The following LOXL3 variants were observed in gnomAD, a reference collection of about 807,000 sequenced individuals.
The protein encoded by LOXL3 is lysyl oxidase homolog 3.
Under a neutral mutation model 91.8 loss-of-function variants are expected in LOXL3, and 60 were observed. That is an observed-to-expected ratio of 0.65 (90% confidence interval 0.53 to 0.81). The LOEUF (loss-of-function observed/expected upper bound fraction) is 0.81. Among genes scored for constraint, LOXL3 ranks in the 30% least tolerant of loss-of-function variants. The pLI is 0.00. For synonymous variants in LOXL3, 355 were observed against 387.6 expected (o/e 0.92, Z 0.99); for missense variants, 874 against 1,000.4 (o/e 0.87, Z 1.70).
chr2:74,544,931 C>T (rs756604400), intron 4 of LOXL3, among the ~76,000 whole-genome samples: 39 of 152,210 alleles, frequency 2.6e-4, no homozygotes, highest in Admixed American at 4.6e-4. Context: ...TCTTTCCCCA[C>T]GAAGAATGGC....
At chr2:74,538,572 G>C (rs1270522792) in intron 4 of LOXL3, among the ~76,000 whole-genome samples, 3 of 152,186 alleles carry the variant, frequency 2.0e-5, no homozygotes, top group African/African-American at 7.2e-5. Context: ...AGGAGCCCAG[G>C]AGGAAAATTA....
Position 74,533,908 on chromosome 2 carries a change from C to G in LOXL3, c.2162G>C (p.Arg721Thr). ...MKCNCKYDGH[R>T]IWVHNCHIGD... The stretch of plus-strand genomic sequence containing the variant: ...AATGTGGCAGTTGTGCACCCAGATT[C>G]TATGTCCATCATATTTGCAGTTACA... The change falls in exon 13 of 14, where the codon AGA becomes ACA. Residue 721 changes from arginine to threonine, a missense_variant. Physicochemically the swap from Arg to Thr is moderately conservative, Grantham distance 71. Coordinates refer to ENST00000264094, the MANE Select transcript of LOXL3 (RefSeq NM_032603.5). The G allele has an allele frequency of 1.2e-6, 2 of 1,614,072 alleles. 1 individual carries two copies.
At chr2:74,548,340 G>C (rs1442123126) in intron 4 of LOXL3, among the ~76,000 whole-genome samples, 1 of 152,220 alleles carries the variant, frequency 6.6e-6, no homozygotes, top group Non-Finnish European at 1.5e-5. Flanking sequence ...TGCTCTATCA[G>C]TAGGAAGCAT....
intron 4 of LOXL3, among the ~76,000 whole-genome samples, chr2:74,540,504 G>A (rs1016796121): frequency 6.6e-6 from 1 of 152,068 alleles, no homozygotes; most frequent in Non-Finnish European, 1.5e-5. Flanking sequence ...AACCAAGGCC[G>A]AATATCCAAG....
In LOXL3 at chr2:74,536,467, C is replaced by G. The variant is rs190924518; in HGVS notation, c.917G>C (p.Arg306Pro). Residue 306 changes from arginine (R) to proline (P), a missense_variant, in exon 6 of 14, where the codon CGT becomes CCT. Transcript: ENST00000264094. The surrounding 1 kb of genome is among the most constrained non-coding windows in gnomAD (Gnocchi z 4.5). ...QQQSKPQGEARVRLKGGAHPG... is the reference protein window; with the variant it reads ...QQQSKPQGEAPVRLKGGAHPG... ...GTGGGCGCCGCCCTTTAGACGGACACGGGCCTATAGAAGAGAGAAGTGCCC... is the reference window on the plus strand; with the variant it reads ...GTGGGCGCCGCCCTTTAGACGGACAGGGGCCTATAGAAGAGAGAAGTGCCC... The G allele has an allele frequency of 3.7e-6, 6 of 1,612,462 alleles. No individual in the cohort carries two copies. Among genetic ancestry groups the G allele is most frequent in the East Asian group, 4.5e-5 (2 of 44,856 alleles).
rs1675970954 is a variant in LOXL3 at position 74,535,640 on chromosome 2, G to A, written c.1364C>T (p.Ala455Val). 2.5e-6 allele frequency: 4 copies of A among 1,614,052 alleles called. 1 individual carries two copies. The East Asian group carries it at 8.9e-5, about 36-fold the overall frequency. Reference protein sequence around the residue: ...ICGDDWGTLEAMVACRQLGLG... With the variant: ...ICGDDWGTLEVMVACRQLGLG... ...ACCCAGTTGCCTACAGGCCACCATG[G>A]CCTCCAGGGTCCCCCAGTCATCCCC... Residue 455 changes from alanine (A) to valine (V), a missense_variant, in exon 8 of 14, where the codon GCC (alanine) becomes GTC (valine). Coordinates refer to ENST00000264094, the MANE Select transcript of LOXL3 (RefSeq NM_032603.5). This position sits in a 1 kb window ranked among gnomAD's most constrained non-coding sequence, Gnocchi z 4.2.
intron 2 of LOXL3, 85 bp downstream of exon 2, chr2:74,552,237 A>G (rs189070638): frequency 2.3e-6 from 3 of 1,291,646 alleles, no homozygotes; most frequent in Admixed American, 4.1e-5. Flanking sequence ...GTGTGTCCCT[A>G]TGGCTGTGCC....
chr2:74,537,060 C>T lies in LOXL3; in HGVS notation c.693-132G>A, dbSNP rs1232870116. 9 of 726,472 alleles carry T rather than the reference C, an allele frequency of 1.2e-5. No individual in the cohort carries two copies. In the East Asian group the frequency reaches 1.9e-4, roughly 15 times the overall value. The allele number at this position is 726,472 out of a possible 1,614,324, so 45.0% of individuals were successfully genotyped here. A position where few individuals can be genotyped will look rare whatever the true frequency, so the allele number is the denominator to read the frequency against. ...TGACCATTTATCTCCTCTTCTTCCC[C>T]CTTCCATGTTTCCCTCGGGAGATAC... On this transcript the variant is annotated intron_variant, in intron 4 of 13. Transcript: ENST00000264094.
At chr2:74,555,232 G>A (rs1237888591), upstream of LOXL3, 4 of 1,613,796 alleles carry the variant, frequency 2.5e-6, no homozygotes, top group East Asian at 6.7e-5. The surrounding 1 kb of genome is among the most constrained non-coding windows in gnomAD (Gnocchi z 6.1). Context: ...TGACCATAAG[G>A]GGTCGAGCTC....
Position 74,546,705 on chromosome 2 carries a change from C to T in LOXL3, c.692+2664G>A, listed in dbSNP as rs968841210. Among the ~76,000 whole-genome samples the T allele has an allele frequency of 3.3e-5, 5 of 152,092 alleles. No individual in the cohort carries two copies. In the South Asian group the frequency reaches 6.2e-4, roughly 19 times the overall value. On this transcript the variant is annotated intron_variant, in intron 4 of 13. Transcript: ENST00000264094. ...CACCACTTATTTATTTACTTACTTA[C>T]TTAATTTATTTTTATTTTATTTTTA...
At chr2:74,548,978 C>T (rs1658645051) in intron 4 of LOXL3, 1 of 153,424 alleles carries the variant, frequency 6.5e-6, no homozygotes, top group Admixed American at 6.5e-5. Context: ...GGGACACACC[C>T]AGGCGCCGCC....
At chr2:74,539,767 G>C (rs1360516667) in intron 4 of LOXL3, 2 of 152,692 alleles carry the variant, frequency 1.3e-5, no homozygotes, top group Non-Finnish European at 2.9e-5. Flanking sequence ...GGGCGAGCAG[G>C]AGGTCCCGGG....
In LOXL3 at chr2:74,552,377, C is replaced by T. The variant is rs539428599; in HGVS notation, c.258G>A (p.Leu86=). ...LQAAHILCRE[L]GFTEATGWTH... ...TCCAGCCTGTGGCCTCTGTGAAGCC[C>T]AGCTCCCGGCAGAGGATGTGGGCAG... The change falls in exon 2 of 14, where the codon CTG becomes CTA. Residue 86 remains leucine (L), a synonymous_variant. Coordinates refer to ENST00000264094, the MANE Select transcript of LOXL3 (RefSeq NM_032603.5). 5.0e-6 allele frequency: 8 copies of T among 1,612,538 alleles called. No individual in the cohort carries two copies. In the South Asian group the frequency reaches 8.8e-5, roughly 18 times the overall value.
At chr2:74,547,026 T>C (rs1352614853) in intron 4 of LOXL3, among the ~76,000 whole-genome samples, 1 of 152,068 alleles carries the variant, frequency 6.6e-6, no homozygotes, top group Non-Finnish European at 1.5e-5. Flanking sequence ...AGTTAATTTA[T>C]TTTTTGAGAC....
Position 74,536,914 on chromosome 2 carries a change from C to A in LOXL3, c.707G>T (p.Arg236Leu). 4 of 1,614,098 alleles carry A rather than the reference C, an allele frequency of 2.5e-6. No individual in the cohort carries two copies. Among genetic ancestry groups the A allele is most frequent in the Non-Finnish European group, 3.4e-6 (4 of 1,179,998 alleles). The change falls in exon 5 of 14, where the codon CGG becomes CTG. Residue 236 changes from arginine to leucine, a missense_variant. Coordinates refer to ENST00000264094, the MANE Select transcript of LOXL3 (RefSeq NM_032603.5). This position sits in a 1 kb window ranked among gnomAD's most constrained non-coding sequence, Gnocchi z 4.5. Reference sequence around the variant, plus strand: ...ATGCAGACCAAAGGAGTGTTGCTGCCGTTGGGCTAGCAGCCTAGGGGGACA... The same window carrying A: ...ATGCAGACCAAAGGAGTGTTGCTGCAGTTGGGCTAGCAGCCTAGGGGGACA... ...NAAFYRLLAQ[R>L]QQHSFGLHGV...
chr2:74,553,250 G>A (rs1012364278), intron 1 of LOXL3, among the ~76,000 whole-genome samples: 3 of 152,042 alleles, frequency 2.0e-5, no homozygotes, highest in Admixed American at 1.3e-4. Flanking sequence ...TGGGATCACA[G>A]ATCCCCTGAA....
chr2:74,541,041 C>T (rs1478029692), intron 4 of LOXL3, among the ~76,000 whole-genome samples: 1 of 152,206 alleles, frequency 6.6e-6, no homozygotes, highest in African/African-American at 2.4e-5. Flanking sequence ...GTACAGCTGG[C>T]CTTCCATATC....
intron 1 of LOXL3, chr2:74,552,981 G>A (rs1677119732): frequency 3.7e-6 from 1 of 268,332 alleles, no homozygotes; most frequent in Non-Finnish European, 7.0e-6. Context: ...GACAGGATGT[G>A]AGAGGAAGGG....
chr2:74,534,152 T>C lies in LOXL3; in HGVS notation c.2024A>G (p.Asp675Gly). 1 of 1,614,170 alleles carries C rather than the reference T, an allele frequency of 6.2e-7. No individual in the cohort carries two copies. Among genetic ancestry groups the C allele is most frequent in the Non-Finnish European group, 8.5e-7 (1 of 1,180,016 alleles). Residue 675 changes from aspartate (D) to glycine (G), a missense_variant, in exon 12 of 14, where the codon GAC (aspartate) becomes GGC (glycine). Physicochemically the swap from Asp to Gly is moderately conservative, Grantham distance 94. Transcript: ENST00000264094. ...GCWDLYRHDI[D>G]CQWIDITDVK... ...ATCCGTGATGTCAATCCACTGACAG[T>C]CAATGTCATGCCGGTAGAGATCCCA...
Sources: allele counts gnomAD v4.1 joint callset (sites outside exome capture counted in the v4.1 genomes callset), GRCh38; gene constraint gnomAD v4.1.1; non-coding constraint Gnocchi (gnomAD v3.1); transcripts MANE v1.5; gene names NCBI Gene and HGNC (gene_info 2026-07-23, HGNC 2026-07-21).